Variants in PECAM1 observed in about 807,000 individuals in gnomAD.
The protein encoded by PECAM1 is platelet and endothelial cell adhesion molecule 1, also known as platelet endothelial cell adhesion molecule.
A neutral mutation model predicts 13.8 loss-of-function variants in PECAM1; 8 were observed. The observed-to-expected ratio is 0.58, with a 90% CI of 0.34 to 1.05. The LOEUF is 1.05. Among genes scored for constraint, PECAM1 ranks in the 50% least tolerant of loss-of-function variants. PECAM1 has a pLI of 0.03. For missense variants in PECAM1, 304 were observed against 141.2 expected (o/e 2.15, Z -5.84); for synonymous variants, 136 against 52.6 (o/e 2.58, Z -6.86).
chr17:64,389,115 T>A (rs2036662929), intron 2 of PECAM1, among the ~76,000 whole-genome samples: 1 of 152,164 alleles, frequency 6.6e-6, no homozygotes, highest in Non-Finnish European at 1.5e-5. Flanking sequence ...GCAGAGGGGC[T>A]TTGCCAGTGG....
chr17:64,347,635 A>G lies in PECAM1; in HGVS notation c.2107+625T>C, dbSNP rs1040434132. On this transcript the variant is annotated intron_variant, in intron 13 of 15. Coordinates refer to ENST00000563924, the MANE Select transcript of PECAM1 (RefSeq NM_000442.5). ...ATATATAAAAATAAAAAATAAAAAT[A>G]TATAAAATATTATAAAATATATATT... 2.7e-3 allele frequency among the ~76,000 whole-genome samples: 391 copies of G among 142,406 alleles called. 1 individual carries two copies. The highest frequency in any genetic ancestry group is 5.0e-3 in the Non-Finnish European group (328 of 65,610). 93.4% of individuals were successfully genotyped at this position (142,406 alleles called of 152,430 possible). A position where few individuals can be genotyped will look rare whatever the true frequency, so the allele number is the denominator to read the frequency against.
intron 14 of PECAM1, among the ~76,000 whole-genome samples, chr17:64,340,181 G>T (rs1432683792): frequency 6.6e-6 from 1 of 152,126 alleles, no homozygotes; most frequent in Non-Finnish European, 1.5e-5. Context: ...AACACAAACA[G>T]TGCTTCTCAA....
At chr17:64,361,933 G>T (rs8074241) in intron 6 of PECAM1, among the ~76,000 whole-genome samples, 5,880 of 152,150 alleles carry the variant, frequency 0.039, 382 homozygotes, top group African/African-American at 0.13. Context: ...TTTGTCTCTT[G>T]CATTCCTGCC....
In PECAM1 at chr17:64,372,182, G is replaced by A. The variant is rs1420897332; in HGVS notation, c.692-2157C>T. Among the ~76,000 whole-genome samples the A allele has an allele frequency of 2.0e-5, 3 of 152,244 alleles. No homozygotes were observed. In the East Asian group the frequency reaches 5.8e-4, roughly 29 times the overall value. On this transcript the variant is annotated intron_variant, in intron 4 of 15. Coordinates refer to ENST00000563924, the MANE Select transcript of PECAM1 (RefSeq NM_000442.5). The stretch of plus-strand genomic sequence containing the variant: ...CTAGCACTTTGGGAGGCCGAGATGG[G>A]AGGATCACTTGAGGCCAGGAGTTCG...
At chr17:64,389,328 G>GC (rs2036667182) in intron 2 of PECAM1, among the ~76,000 whole-genome samples, 2 of 152,172 alleles carry the variant, frequency 1.3e-5, no homozygotes, top group Non-Finnish European at 2.9e-5. Flanking sequence ...ACACTACTGA[G>GC]CCCCCTCATT....
At chr17:64,381,919 G>A (rs1205942545) in intron 2 of PECAM1, among the ~76,000 whole-genome samples, 7 of 152,094 alleles carry the variant, frequency 4.6e-5, no homozygotes, top group African/African-American at 1.7e-4. Context: ...TGGCCAACAT[G>A]GTGAAACCTC....
chr17:64,364,647 G>C (rs1598035816), intron 5 of PECAM1, among the ~76,000 whole-genome samples: 3 of 146,464 alleles, frequency 2.0e-5, no homozygotes, highest in Non-Finnish European at 3.0e-5. Context: ...TTCATCCCTG[G>C]GATGCAAGGC....
chr17:64,334,806 C>T (rs2035229485), intron 14 of PECAM1, among the ~76,000 whole-genome samples: 1 of 152,112 alleles, frequency 6.6e-6, no homozygotes, highest in Non-Finnish European at 1.5e-5. Flanking sequence ...TGCGCACGGC[C>T]CTGGGCCCCC....
chr17:64,356,125 A>G lies in PECAM1; in HGVS notation c.1766T>C (p.Ile589Thr). The G allele has an allele frequency of 2.1e-6, 1 of 475,006 alleles. No homozygotes were observed. Among genetic ancestry groups the G allele is most frequent in the East Asian group, 3.1e-5 (1 of 31,986 alleles). The allele number at this position is 475,006 out of a possible 1,614,324, so 29.4% of individuals were successfully genotyped here. A position where few individuals can be genotyped will look rare whatever the true frequency, so the allele number is the denominator to read the frequency against. The change falls in exon 8 of 16, where the codon ATA becomes ACA. Residue 589 changes from isoleucine to threonine, a missense_variant. Coordinates refer to ENST00000563924, the MANE Select transcript of PECAM1 (RefSeq NM_000442.5). ...NHASSVPRSK[I>T]LTVRVILAPW... ...CCCTGACTCACCTCTGACTGTCAGT[A>G]TTTTGCTTCTGGGGACACTGGAGGC... is the stretch of plus-strand genomic sequence containing the variant.
Position 64,323,487 on chromosome 17 carries a change from C to G in PECAM1, c.*329G>C, listed in dbSNP as rs1437587706. 1.6e-6 allele frequency: 2 copies of G among 1,283,944 alleles called. No homozygotes were observed. Among genetic ancestry groups the G allele is most frequent in the African/African-American group, 3.0e-5 (2 of 66,254 alleles). The allele number at this position is 1,283,944 out of a possible 1,614,324, so 79.5% of individuals were successfully genotyped here. On this transcript the variant is annotated 3_prime_UTR_variant, in exon 16 of 16. Transcript: ENST00000563924. ...GAGGGTGCATGGAAAAGGTCTTTAT[C>G]TCTGCACAAAACAAAATATTCAAGT...
At chr17:64,362,837 CAAA>C (rs1196660765) in intron 6 of PECAM1, among the ~76,000 whole-genome samples, 113 of 143,450 alleles carry the variant, frequency 7.9e-4, no homozygotes, top group Admixed American at 8.9e-4. Flanking sequence ...CGACACGTCT[CAAA>C]AAAAAAAAAA....
intron 13 of PECAM1, among the ~76,000 whole-genome samples, chr17:64,347,246 G>A (rs1389835069): frequency 7.9e-5 from 12 of 151,680 alleles, no homozygotes; most frequent in African/African-American, 2.9e-4. Flanking sequence ...GGCCGAGTGT[G>A]GTGGCTCACA....
chr17:64,337,393 C>T (rs1270216854), intron 14 of PECAM1, among the ~76,000 whole-genome samples: 1 of 152,150 alleles, frequency 6.6e-6, no homozygotes, highest in Admixed American at 6.6e-5. Context: ...GGCTCAAGTT[C>T]CTCCTGTGTT....
intron 2 of PECAM1, chr17:64,378,897 C>G (rs1305879892): frequency 1.3e-5 from 2 of 152,318 alleles, no homozygotes; most frequent in Non-Finnish European, 2.9e-5. Flanking sequence ...ACATTAAGTG[C>G]TTAATAAATG....
At chr17:64,375,677 A>G in intron 3 of PECAM1, among the ~76,000 whole-genome samples, 1 of 151,848 alleles carries the variant, frequency 6.6e-6, no homozygotes, top group South Asian at 2.1e-4. Flanking sequence ...ATTAAAAATT[A>G]GCCAGGGGTA....
At chr17:64,344,310 G>A (rs1047455235) in intron 13 of PECAM1, among the ~76,000 whole-genome samples, 19 of 152,200 alleles carry the variant, frequency 1.2e-4, no homozygotes, top group African/African-American at 4.3e-4. Context: ...CCCACTCCAC[G>A]GCAGCAGCTG....
chr17:64,346,136 C>G (rs2035562820), intron 13 of PECAM1, among the ~76,000 whole-genome samples: 1 of 152,140 alleles, frequency 6.6e-6, no homozygotes, highest in South Asian at 2.1e-4. Context: ...GTGGATGCAG[C>G]CTGGGGTTAG....
At chr17:64,386,533 T>A (rs2036597755) in intron 2 of PECAM1, among the ~76,000 whole-genome samples, 4 of 152,134 alleles carry the variant, frequency 2.6e-5, no homozygotes, top group African/African-American at 9.7e-5. Flanking sequence ...TACCACAATT[T>A]AAAAAAAGAC....
intron 2 of PECAM1, among the ~76,000 whole-genome samples, chr17:64,383,335 C>T (rs1050902212): frequency 2.0e-5 from 3 of 152,194 alleles, no homozygotes; most frequent in African/African-American, 4.8e-5. Flanking sequence ...TCTCTGCCTA[C>T]GAAGTAGGAA....
Sources: allele counts gnomAD v4.1 joint callset (sites outside exome capture counted in the v4.1 genomes callset), GRCh38; gene constraint gnomAD v4.1.1; transcripts MANE v1.5; gene names NCBI Gene and HGNC (gene_info 2026-07-23, HGNC 2026-07-21).